SLC5A4: variants seen among roughly 807,000 people sequenced by gnomAD.
SLC5A4 encodes solute carrier family 5 member 4.
SLC5A4 carries 55 observed loss-of-function variants against 70.3 expected under a neutral mutation model. That is an observed-to-expected ratio of 0.78 (90% CI 0.63 to 0.98). The LOEUF is 0.98. Among genes scored for constraint, SLC5A4 ranks in the 50% least tolerant of loss-of-function variants. The pLI, the probability that SLC5A4 is intolerant of heterozygous loss-of-function variation, is 0.00. For missense variants in SLC5A4, 735 were observed against 839.2 expected (o/e 0.88, Z 1.53); for synonymous variants, 268 against 305.7 (o/e 0.88, Z 1.29).
the SLC5A4 span, among the ~76,000 whole-genome samples, chr22:32,333,037 G>A: frequency 6.6e-6 from 1 of 152,210 alleles, no homozygotes; most frequent in Non-Finnish European, 1.5e-5. Flanking sequence ...TAAGCTGAGA[G>A]ATGGCTTAGA....
chr22:32,280,510 C>T, the SLC5A4 span, among the ~76,000 whole-genome samples: 1 of 152,200 alleles, frequency 6.6e-6, no homozygotes, highest in Non-Finnish European at 1.5e-5. Flanking sequence ...AGCCCCCTCA[C>T]CCTCTCCTGT....
At chr22:32,337,345 C>A in the SLC5A4 span, among the ~76,000 whole-genome samples, 3 of 152,192 alleles carry the variant, frequency 2.0e-5, no homozygotes, top group South Asian at 2.1e-4. Flanking sequence ...CCAGCCTGGG[C>A]AACGTGGCAA....
the SLC5A4 span, among the ~76,000 whole-genome samples, chr22:32,353,616 C>T: frequency 1.3e-5 from 2 of 151,964 alleles, no homozygotes; most frequent in Admixed American, 6.6e-5. Flanking sequence ...AACCCGCCGC[C>T]GGCAGTGTAG....
intron 11 of SLC5A4, among the ~76,000 whole-genome samples, chr22:32,227,058 T>C (rs576194903): frequency 1.3e-5 from 2 of 152,278 alleles, no homozygotes; most frequent in East Asian, 1.9e-4. Context: ...TCCTGCTTTG[T>C]CTTTCTAGCA....
the SLC5A4 span, among the ~76,000 whole-genome samples, chr22:32,334,317 G>A: frequency 1.8e-4 from 28 of 152,034 alleles, no homozygotes; most frequent in African/African-American, 5.3e-4. Context: ...GCCCAGCCCC[G>A]CCCCTCCAGC....
At chr22:32,314,700 T>G in the SLC5A4 span, among the ~76,000 whole-genome samples, 1 of 152,092 alleles carries the variant, frequency 6.6e-6, no homozygotes, top group Non-Finnish European at 1.5e-5. Context: ...CCCAAGCAAT[T>G]TACAAAAGAA....
At position 32,220,900 on chromosome 22, in the gene SLC5A4, A is replaced by T; in HGVS notation, c.1768+20T>A. 1 of 1,533,712 alleles carries T rather than the reference A, an allele frequency of 6.5e-7. No homozygotes were observed. Among genetic ancestry groups the T allele is most frequent in the Non-Finnish European group, 9.0e-7 (1 of 1,106,700 alleles). ...TGCACAGAGTTCCTACATGAAAACC[A>T]AATGTAAACCAAATATTACCTTCTT... On this transcript the variant is annotated intron_variant, in intron 14 of 14. Coordinates refer to ENST00000266086, the MANE Select transcript of SLC5A4 (RefSeq NM_014227.3).
chr22:32,292,186 TAATA>T, the SLC5A4 span, among the ~76,000 whole-genome samples: 27 of 54,164 alleles, frequency 5.0e-4, 4 homozygotes, highest in African/African-American at 1.7e-3. Context: ...ATATTATATA[TAATA>T]CATACTAGAT....
chr22:32,327,685 C>T, the SLC5A4 span, among the ~76,000 whole-genome samples: 3 of 152,198 alleles, frequency 2.0e-5, no homozygotes, highest in Non-Finnish European at 4.4e-5. Flanking sequence ...TGGCTGGACT[C>T]ACCTTCCCAT....
At chr22:32,346,402 T>A in the SLC5A4 span, among the ~76,000 whole-genome samples, 1 of 152,018 alleles carries the variant, frequency 6.6e-6, no homozygotes, top group Non-Finnish European at 1.5e-5. Flanking sequence ...GCCAAGTCAA[T>A]CCTAAGCCAA....
chr22:32,319,265 G>A, the SLC5A4 span, among the ~76,000 whole-genome samples: 478 of 152,056 alleles, frequency 3.1e-3, 3 homozygotes, highest in African/African-American at 0.011. Context: ...GTTCTCCTGG[G>A]ACTCAGGCCC....
At chr22:32,233,832 C>G (rs1297793724) in intron 8 of SLC5A4, among the ~76,000 whole-genome samples, 4 of 144,346 alleles carry the variant, frequency 2.8e-5, no homozygotes, top group African/African-American at 1.0e-4. Flanking sequence ...AGGAAGAAAA[C>G]AAGAATTAAA....
the SLC5A4 span, among the ~76,000 whole-genome samples, chr22:32,311,192 G>A: frequency 1.7e-4 from 26 of 152,140 alleles, no homozygotes; most frequent in Admixed American, 3.9e-4. Flanking sequence ...AACACTCGCC[G>A]CCCTTGCCAC....
At chr22:32,328,691 C>G in the SLC5A4 span, among the ~76,000 whole-genome samples, 2 of 152,266 alleles carry the variant, frequency 1.3e-5, no homozygotes, top group Admixed American at 1.3e-4. Flanking sequence ...AGCAAAGCCA[C>G]ACCCTGACTT....
chr22:32,239,107 C>G lies in SLC5A4; in HGVS notation c.478-17G>C, dbSNP rs1926234804. On this transcript the variant is annotated splice_polypyrimidine_tract_variant and intron_variant, in intron 5 of 14. Coordinates refer to ENST00000266086, the MANE Select transcript of SLC5A4 (RefSeq NM_014227.3). The stretch of plus-strand genomic sequence containing the variant: ...TATGTCTGCCTAAAAAGGGAACAGT[C>G]AGGATGAGAAAGAAACATGCATTTG... 3 of 1,590,760 alleles carry G rather than the reference C, an allele frequency of 1.9e-6. No individual in the cohort carries two copies. Among genetic ancestry groups the G allele is most frequent in the African/African-American group, 1.3e-5 (1 of 74,564 alleles).
At chr22:32,239,629 TATATA>T (rs1471855451) in intron 5 of SLC5A4, among the ~76,000 whole-genome samples, 2 of 126,238 alleles carry the variant, frequency 1.6e-5, no homozygotes, top group East Asian at 4.9e-4. Context: ...ATATAAAATA[TATATA>T]ATATATATAT....
the SLC5A4 span, chr22:32,277,322 A>G: frequency 2.6e-5 from 4 of 152,136 alleles, no homozygotes; most frequent in African/African-American, 9.7e-5. Flanking sequence ...TTTTAATAAA[A>G]CTCATGAGTC....
the SLC5A4 span, among the ~76,000 whole-genome samples, chr22:32,353,117 C>T: frequency 6.6e-6 from 1 of 152,230 alleles, no homozygotes; most frequent in African/African-American, 2.4e-5. Context: ...CGCCCACCCT[C>T]CAAAGTCCAG....
the SLC5A4 span, chr22:32,285,169 C>T: frequency 1.3e-4 from 20 of 151,940 alleles, no homozygotes; most frequent in South Asian, 1.7e-3. Context: ...TGCGTATATA[C>T]GATATATGTG....
Sources: allele counts gnomAD v4.1 joint callset (sites outside exome capture counted in the v4.1 genomes callset), GRCh38; gene constraint gnomAD v4.1.1; transcripts MANE v1.5; gene names NCBI Gene and HGNC (gene_info 2026-07-23, HGNC 2026-07-21).